Variants in OSBPL9 observed in about 807,000 individuals in gnomAD.
The protein encoded by OSBPL9 is oxysterol-binding protein-related protein 9.
Under a neutral mutation model 106.6 loss-of-function variants are expected in OSBPL9, and 40 were observed. The ratio of observed to expected loss-of-function variants is 0.38; its 90% confidence interval spans 0.29 to 0.49. OSBPL9 has a LOEUF of 0.49. Ranked by LOEUF, OSBPL9 falls within the 20% of genes least tolerant of loss-of-function variation. The pLI, the probability that OSBPL9 is intolerant of heterozygous loss-of-function variation, is 0.97. For missense variants in OSBPL9, 609 were observed against 887.2 expected (o/e 0.69, Z 3.98); for synonymous variants, 269 against 295.4 (o/e 0.91, Z 0.92).
rs968826056 is a variant in OSBPL9, at chr1:51,781,036, A to G, written c.1257-128A>G. On this transcript the variant is annotated intron_variant, in intron 15 of 23. Transcript: ENST00000428468. ...ATACTCAATTTTAAAATGAAACTGT[A>G]AGCTAACTCCTGGTCCTAGGTCCTC... 4 of 684,342 alleles carry G rather than the reference A, an allele frequency of 5.8e-6. No homozygotes were observed. The African/African-American group carries it at 7.2e-5, about 12-fold the overall frequency. 42.4% of individuals were successfully genotyped at this position (684,342 alleles called of 1,614,324 possible).
intron 4 of OSBPL9, 171 bp from the exon 5 acceptor site, chr1:51,745,365 A>G: frequency 1.1e-6 from 1 of 881,596 alleles, no homozygotes; most frequent in South Asian, 1.9e-5. Flanking sequence ...AGGAAGATTG[A>G]TGTACCACTG....
intron 12 of OSBPL9, among the ~76,000 whole-genome samples, chr1:51,770,019 A>G (rs1673496859): frequency 6.6e-6 from 1 of 152,172 alleles, no homozygotes; most frequent in African/African-American, 2.4e-5. Flanking sequence ...CACTCAGGCT[A>G]GAGTGCAGTG....
At chr1:51,570,113 G>A in the OSBPL9 span, among the ~76,000 whole-genome samples, 10 of 152,112 alleles carry the variant, frequency 6.6e-5, no homozygotes, top group Admixed American at 1.3e-4. Flanking sequence ...CTGTTTTTCC[G>A]AGGCTCCCCT....
intron 10 of OSBPL9, 41 bp from the exon 11 acceptor site, chr1:51,761,826 G>C (rs778613114): frequency 1.4e-6 from 2 of 1,423,170 alleles, no homozygotes; most frequent in African/African-American, 2.8e-5. Flanking sequence ...ATGTGTGTTT[G>C]GCTGTTTCTG....
At chr1:51,728,520 G>A (rs1245362550) in intron 4 of OSBPL9, among the ~76,000 whole-genome samples, 5 of 152,152 alleles carry the variant, frequency 3.3e-5, no homozygotes, top group Non-Finnish European at 5.9e-5. Flanking sequence ...TAGGGTGGAT[G>A]ATAGCAGTTT....
intron 14 of OSBPL9, 68 bp from the exon 15 acceptor site, chr1:51,776,760 CTTTTT>C: frequency 1.2e-6 from 1 of 802,870 alleles, no homozygotes; most frequent in Admixed American, 2.6e-5. Context: ...GTTTTGTTTT[CTTTTT>C]TTTTTTTTTA....
chr1:51,653,945 T>G (rs1646670863), intron 2 of OSBPL9, among the ~76,000 whole-genome samples: 1 of 151,566 alleles, frequency 6.6e-6, no homozygotes, highest in Admixed American at 6.6e-5. Context: ...AAGGCTGTAG[T>G]GAGCCATAAT....
chr1:51,533,845 C>CTTT, the OSBPL9 span, among the ~76,000 whole-genome samples: 48 of 116,294 alleles, frequency 4.1e-4, no homozygotes, highest in African/African-American at 5.5e-4. Flanking sequence ...TTTTTTCTTT[C>CTTT]TTTTTTTTTT....
At chr1:51,712,361 A>G (rs1660238836) in intron 3 of OSBPL9, among the ~76,000 whole-genome samples, 1 of 152,238 alleles carries the variant, frequency 6.6e-6, no homozygotes, top group Non-Finnish European at 1.5e-5. Flanking sequence ...AGTACAGTCC[A>G]GCTTCGGCTC....
At chr1:51,650,476 CT>C in intron 1 of OSBPL9, among the ~76,000 whole-genome samples, 1 of 152,122 alleles carries the variant, frequency 6.6e-6, no homozygotes, top group Non-Finnish European at 1.5e-5. Context: ...CAACTGTTTT[CT>C]TTCACTGTGT....
At chr1:51,748,273 A>T (rs1668462364) in intron 6 of OSBPL9, 96 bp from the exon 7 acceptor site, 1 of 1,422,156 alleles carries the variant, frequency 7.0e-7, no homozygotes, top group East Asian at 2.8e-5. Flanking sequence ...GAATGAGTAC[A>T]TTTTGGTAAA....
intron 7 of OSBPL9, among the ~76,000 whole-genome samples, chr1:51,749,742 A>C (rs191116077): frequency 6.6e-6 from 1 of 151,780 alleles, no homozygotes; most frequent in East Asian, 1.9e-4. Context: ...TGGCATGTGC[A>C]TGTAGTGCCA....
intron 11 of OSBPL9, among the ~76,000 whole-genome samples, chr1:51,764,868 A>G (rs1672254026): frequency 6.6e-6 from 1 of 152,220 alleles, no homozygotes; most frequent in Non-Finnish European, 1.5e-5. Flanking sequence ...TACAGGCATG[A>G]GCCATTGTGC....
intron 2 of OSBPL9, among the ~76,000 whole-genome samples, chr1:51,606,806 T>C (rs1250633774): frequency 6.6e-6 from 1 of 152,150 alleles, no homozygotes; most frequent in Non-Finnish European, 1.5e-5. Flanking sequence ...CTCAGCACTT[T>C]GGGAGGCCAA....
chr1:51,745,727 C>T, intron 5 of OSBPL9, 96 bp downstream of exon 5: 1 of 1,353,222 alleles, frequency 7.4e-7, no homozygotes, highest in Non-Finnish European at 9.5e-7. Flanking sequence ...TAATTTACAG[C>T]CCTCATGTGG....
intron 2 of OSBPL9, among the ~76,000 whole-genome samples, chr1:51,608,958 CT>C (rs923629049): frequency 1.3e-5 from 2 of 150,820 alleles, no homozygotes; most frequent in African/African-American, 2.4e-5. Flanking sequence ...ACTTCCATCC[CT>C]TTTTTTTTCA....
intron 2 of OSBPL9, among the ~76,000 whole-genome samples, chr1:51,610,306 G>A (rs979118952): frequency 1.3e-5 from 2 of 151,914 alleles, no homozygotes; most frequent in South Asian, 2.1e-4. Flanking sequence ...CTGTTGCCCC[G>A]GCTGGACTGC....
chr1:51,748,512 A>G lies in OSBPL9; in HGVS notation c.492+114A>G, dbSNP rs1298032187. The G allele has an allele frequency of 4.3e-6, 5 of 1,164,966 alleles. No individual in the cohort carries two copies. In the African/African-American group the frequency reaches 6.5e-5, roughly 15 times the overall value. The allele number at this position is 1,164,966 out of a possible 1,614,324, so 72.2% of individuals were successfully genotyped here. A position where few individuals can be genotyped will look rare whatever the true frequency, so the allele number is the denominator to read the frequency against. ...GCAATTGAGATGTTAGTTTTTATGA[A>G]TATTATACAGGGGTGCTTAAGCATT... On this transcript the variant is annotated intron_variant, in intron 7 of 23. Coordinates refer to ENST00000428468, the MANE Select transcript of OSBPL9 (RefSeq NM_024586.6).
chr1:51,728,282 G>A (rs1283237506), intron 4 of OSBPL9, among the ~76,000 whole-genome samples: 2 of 152,210 alleles, frequency 1.3e-5, no homozygotes, highest in South Asian at 2.1e-4. Context: ...TAGAAATACT[G>A]CTCTGGCTCT....
Sources: gnomAD v4.1 joint callset for allele counts (sites outside exome capture counted in the v4.1 genomes callset) on GRCh38, gnomAD v4.1.1 for gene constraint, MANE v1.5 for transcripts, NCBI Gene and HGNC (gene_info 2026-07-23, HGNC 2026-07-21) for gene names.